The following KIRREL3 variants were observed in gnomAD, a reference collection of about 807,000 sequenced individuals.
KIRREL3 encodes the protein kirre like nephrin family adhesion molecule 3, also known as kin of IRRE-like protein 3.
Under a neutral mutation model 89.7 loss-of-function variants are expected in KIRREL3, and 36 were observed. The observed-to-expected ratio is 0.40, with a 90% confidence interval of 0.31 to 0.53. The LOEUF is 0.53. KIRREL3 is among the 20% of genes least tolerant of loss of function. The pLI is 0.49. For synonymous variants in KIRREL3, 445 were observed against 441.4 expected (o/e 1.01, Z -0.10); for missense variants, 864 against 1,056.6 (o/e 0.82, Z 2.53).
Position 126,544,706 on chromosome 11 carries a change from G to A in KIRREL3, c.134-18019C>T, listed in dbSNP as rs180886279. Among the ~76,000 whole-genome samples, 5 of 152,296 alleles carry A rather than the reference G, an allele frequency of 3.3e-5. No individual in the cohort carries two copies. The highest frequency in any genetic ancestry group is 3.3e-4 in the Admixed American group (5 of 15,300). Reference sequence around the variant, plus strand: ...GCTTTTTGTATCTGGGCCAGTGGGTGGAGAGTGCAGGGAGCTGTCCTTGGT... The same window carrying A: ...GCTTTTTGTATCTGGGCCAGTGGGTAGAGAGTGCAGGGAGCTGTCCTTGGT... On this transcript the variant is annotated intron_variant, in intron 2 of 16. Transcript: ENST00000525144. The surrounding 1 kb of genome is among the most constrained non-coding windows in gnomAD (Gnocchi z 5.6).
At position 126,837,497 on chromosome 11, in the gene KIRREL3, A is replaced by G. The variant is rs565910973; in HGVS notation, c.55+162958T>C. ...TCTCTATCATGGAATTACTTCCACA[A>G]TAATTACGAGGGAATCGGATCTTGT... On this transcript the variant is annotated intron_variant, in intron 1 of 16. Transcript: ENST00000525144. This position sits in a 1 kb window ranked among gnomAD's most constrained non-coding sequence, Gnocchi z 4.7. 3.9e-5 allele frequency among the ~76,000 whole-genome samples: 6 copies of G among 152,340 alleles called. No homozygotes were observed. The highest frequency in any genetic ancestry group is 2.6e-4 in the Admixed American group (4 of 15,306).
chr11:126,959,846 AC>A (rs1949031791), intron 1 of KIRREL3, among the ~76,000 whole-genome samples: 1 of 151,978 alleles, frequency 6.6e-6, no homozygotes, highest in South Asian at 2.1e-4. Flanking sequence ...GACCCCTCTC[AC>A]AGCTAACCCC....
In KIRREL3 at chr11:126,949,752, G is replaced by A. The variant is rs141548531; in HGVS notation, c.55+50703C>T. ...TTCAGTGGTCACCAACTGACTCAGTGTAGGAGACTTCATTCTCCAAGAGAG... is the reference window on the plus strand; with the variant it reads ...TTCAGTGGTCACCAACTGACTCAGTATAGGAGACTTCATTCTCCAAGAGAG... On this transcript the variant is annotated intron_variant, in intron 1 of 16. Coordinates refer to ENST00000525144, the MANE Select transcript of KIRREL3 (RefSeq NM_032531.4). Among the ~76,000 whole-genome samples, 6 of 152,312 alleles carry A rather than the reference G, an allele frequency of 3.9e-5. No individual in the cohort carries two copies. The East Asian group carries it at 9.7e-4, about 25-fold the overall frequency.
intron 1 of KIRREL3, among the ~76,000 whole-genome samples, chr11:126,674,464 T>C (rs1012447991): frequency 5.3e-5 from 8 of 152,212 alleles, no homozygotes; most frequent in Non-Finnish European, 1.5e-5. Context: ...TGAAGAATAC[T>C]GTTGCTCAGT....
At position 126,512,270 on chromosome 11, in the gene KIRREL3, G is replaced by A. The variant is rs117480247; in HGVS notation, c.433+9045C>T. On this transcript the variant is annotated intron_variant, in intron 4 of 16. Transcript: ENST00000525144. Reference sequence around the variant, plus strand: ...TGTTCTTGTGTCTTTCTATCAGGGCGACACTGATGATTTGGCTCTGAGGTG... The same window carrying A: ...TGTTCTTGTGTCTTTCTATCAGGGCAACACTGATGATTTGGCTCTGAGGTG... 4.7e-3 allele frequency among the ~76,000 whole-genome samples: 723 copies of A among 152,356 alleles called. 5 individuals carry two copies. The highest frequency in any genetic ancestry group is 8.0e-3 in the Non-Finnish European group (545 of 68,038).
chr11:126,444,856 T>C (rs1025637157), intron 10 of KIRREL3, 123 bp downstream of exon 10: 8 of 1,286,252 alleles, frequency 6.2e-6, no homozygotes, highest in Middle Eastern at 2.7e-4. Flanking sequence ...TGTCTACCCA[T>C]AGTTGGAGGT....
chr11:126,822,026 T>C (rs1943243609), intron 1 of KIRREL3, among the ~76,000 whole-genome samples: 2 of 152,180 alleles, frequency 1.3e-5, no homozygotes, highest in African/African-American at 4.8e-5. Context: ...TCACCCCATT[T>C]GTGGTGAGTT....
At position 126,904,444 on chromosome 11, in the gene KIRREL3, C is replaced by G. The variant is rs1057350691; in HGVS notation, c.55+96011G>C. ...GGGATAGTGCAACTGATAAAAGGAA[C>G]CTGCTCCAAAGCAATGTTAACATAG... is the stretch of plus-strand genomic sequence containing the variant. On this transcript the variant is annotated intron_variant, in intron 1 of 16. Coordinates refer to ENST00000525144, the MANE Select transcript of KIRREL3 (RefSeq NM_032531.4). The surrounding 1 kb of genome is among the most constrained non-coding windows in gnomAD (Gnocchi z 4.4). Among the ~76,000 whole-genome samples, 1 of 152,150 alleles carries G rather than the reference C, an allele frequency of 6.6e-6. No homozygotes were observed.
At chr11:126,450,179 G>C (rs774750902) in intron 7 of KIRREL3, among the ~76,000 whole-genome samples, 13 of 152,252 alleles carry the variant, frequency 8.5e-5, no homozygotes, top group Non-Finnish European at 5.9e-5. Context: ...GTATACACAT[G>C]TATGTGTGTG....
At chr11:126,439,843 C>A (rs550201853) in intron 11 of KIRREL3, among the ~76,000 whole-genome samples, 1 of 150,504 alleles carries the variant, frequency 6.6e-6, no homozygotes, top group African/African-American at 2.4e-5. Flanking sequence ...ACAAACAAAC[C>A]CAAAAAACAC....
At position 126,917,064 on chromosome 11, in the gene KIRREL3, C is replaced by G. The variant is rs1410098272; in HGVS notation, c.55+83391G>C. On this transcript the variant is annotated intron_variant, in intron 1 of 16. Transcript: ENST00000525144. The surrounding 1 kb of genome is among the most constrained non-coding windows in gnomAD (Gnocchi z 5.0). Reference sequence around the variant, plus strand: ...AAGTAGAAGTCACCCACGTGTCTAACAGATGAATGCAAACACAAAATATGA... The same window carrying G: ...AAGTAGAAGTCACCCACGTGTCTAAGAGATGAATGCAAACACAAAATATGA... Among the ~76,000 whole-genome samples the G allele has an allele frequency of 6.6e-6, 1 of 152,142 alleles. No homozygotes were observed. Among genetic ancestry groups the G allele is most frequent in the Non-Finnish European group, 1.5e-5 (1 of 68,028 alleles).
intron 16 of KIRREL3, 84 bp downstream of exon 16, chr11:126,425,554 T>G: frequency 1.7e-6 from 2 of 1,195,050 alleles, no homozygotes; most frequent in Non-Finnish European, 2.4e-6. Context: ...TTGCTGTCAT[T>G]TGTTGTATAG....
chr11:126,942,563 G>A (rs963504568), intron 1 of KIRREL3, among the ~76,000 whole-genome samples: 2 of 152,160 alleles, frequency 1.3e-5, no homozygotes, highest in African/African-American at 4.8e-5. Context: ...CAGCTGGAGG[G>A]GGTCACTCAA....
At position 126,811,567 on chromosome 11, in the gene KIRREL3, G is replaced by A. The variant is rs1288894558; in HGVS notation, c.55+188888C>T. 3.3e-5 allele frequency among the ~76,000 whole-genome samples: 5 copies of A among 152,276 alleles called. No homozygotes were observed. The South Asian group carries it at 1.0e-3, about 32-fold the overall frequency. ...TGACCCTTCCCTCACAGCATGCAACGTTAGCAATGAACTTCTTTTTTTTCT... is the reference window on the plus strand; with the variant it reads ...TGACCCTTCCCTCACAGCATGCAACATTAGCAATGAACTTCTTTTTTTTCT... On this transcript the variant is annotated intron_variant, in intron 1 of 16. Coordinates refer to ENST00000525144, the MANE Select transcript of KIRREL3 (RefSeq NM_032531.4). The surrounding 1 kb of genome is among the most constrained non-coding windows in gnomAD (Gnocchi z 4.3).
chr11:126,960,805 T>C (rs971733956), intron 1 of KIRREL3, among the ~76,000 whole-genome samples: 1 of 152,210 alleles, frequency 6.6e-6, no homozygotes, highest in Admixed American at 6.5e-5. Flanking sequence ...GACATTGCAT[T>C]TTTTACAGCT....
rs1419826373 is a variant in KIRREL3, at chr11:126,477,381, CA to C, written c.434-3916del. Reference sequence around the variant, plus strand: ...TTCCCTGTGTGTGGGAGGGAGCCCCCAAAAGCTTTCCCCAAGTTCTGCTGCC... The same window carrying C: ...TTCCCTGTGTGTGGGAGGGAGCCCCCAAAGCTTTCCCCAAGTTCTGCTGCC... On this transcript the variant is annotated intron_variant, in intron 4 of 16. Transcript: ENST00000525144. The surrounding 1 kb of genome is among the most constrained non-coding windows in gnomAD (Gnocchi z 4.8). Among the ~76,000 whole-genome samples, 1 of 152,096 alleles carries C rather than the reference CA, an allele frequency of 6.6e-6. No homozygotes were observed. The highest frequency in any genetic ancestry group is 1.9e-4 in the East Asian group (1 of 5,182).
Position 126,541,765 on chromosome 11 carries a change from C to T in KIRREL3, c.134-15078G>A, listed in dbSNP as rs576667425. 3.3e-5 allele frequency among the ~76,000 whole-genome samples: 5 copies of T among 152,038 alleles called. No individual in the cohort carries two copies. Among genetic ancestry groups the T allele is most frequent in the South Asian group, 4.2e-4 (2 of 4,818 alleles). On this transcript the variant is annotated intron_variant, in intron 2 of 16. Coordinates refer to ENST00000525144, the MANE Select transcript of KIRREL3 (RefSeq NM_032531.4). This position sits in a 1 kb window ranked among gnomAD's most constrained non-coding sequence, Gnocchi z 4.8. ...AGGGCACTGTTGTGTGCCCACAGCACGGGCTTGTGGGCCTGGGTTATTTCT... is the reference window on the plus strand; with the variant it reads ...AGGGCACTGTTGTGTGCCCACAGCATGGGCTTGTGGGCCTGGGTTATTTCT...
At chr11:126,450,488 TGA>T (rs1356805804) in intron 7 of KIRREL3, among the ~76,000 whole-genome samples, 94 of 141,152 alleles carry the variant, frequency 6.7e-4, no homozygotes, top group African/African-American at 2.0e-3. Flanking sequence ...TGTGTGGGTG[TGA>T]GTGTGTGCAT....
chr11:126,719,218 G>A lies in KIRREL3; in HGVS notation c.56-156306C>T, dbSNP rs961724885. Among the ~76,000 whole-genome samples, 9 of 152,056 alleles carry A rather than the reference G, an allele frequency of 5.9e-5. No individual in the cohort carries two copies. Among genetic ancestry groups the A allele is most frequent in the African/African-American group, 9.7e-5 (4 of 41,390 alleles). On this transcript the variant is annotated intron_variant, in intron 1 of 16. Transcript: ENST00000525144. The surrounding 1 kb of genome is among the most constrained non-coding windows in gnomAD (Gnocchi z 4.7). ...AAATCTAAAAATACGCCACTGAAAC[G>A]GCTTCTTCCTAAATTACCAATGACT...
Sources: gnomAD v4.1 joint callset for allele counts (sites outside exome capture counted in the v4.1 genomes callset) on GRCh38, gnomAD v4.1.1 for gene constraint, Gnocchi (gnomAD v3.1) non-coding constraint, MANE v1.5 for transcripts, NCBI Gene and HGNC (gene_info 2026-07-23, HGNC 2026-07-21) for gene names.